AP1B1: variants seen among roughly 807,000 people sequenced by gnomAD.
The protein encoded by AP1B1 is adaptor related protein complex 1 subunit beta 1.
AP1B1 carries 36 observed loss-of-function variants against 104.3 expected under a neutral mutation model. The ratio of observed to expected loss-of-function variants is 0.35; its 90% CI spans 0.26 to 0.46. The LOEUF (loss-of-function observed/expected upper bound fraction) is 0.46, where lower values mean the gene tolerates loss of function less well. Among genes scored for constraint, AP1B1 ranks in the 20% least tolerant of loss-of-function variants. AP1B1 has a pLI of 1.00. For missense variants in AP1B1, 901 were observed against 1,247.9 expected (o/e 0.72, Z 4.19); for synonymous variants, 504 against 517.5 (o/e 0.97, Z 0.35).
intron 3 of AP1B1, among the ~76,000 whole-genome samples, chr22:29,362,017 C>T (rs2062055182): frequency 6.6e-6 from 1 of 152,150 alleles, no homozygotes; most frequent in African/African-American, 2.4e-5. Flanking sequence ...TGGTCTTGAA[C>T]TCCTGACCTC....
At chr22:29,376,034 A>G (rs1180450241) in intron 1 of AP1B1, among the ~76,000 whole-genome samples, 5 of 152,186 alleles carry the variant, frequency 3.3e-5, no homozygotes, top group Non-Finnish European at 4.4e-5. Context: ...CCTACCAATG[A>G]GTGTTCTTCC....
chr22:29,332,936 C>G (rs1164447930), intron 17 of AP1B1, among the ~76,000 whole-genome samples: 6 of 152,222 alleles, frequency 3.9e-5, no homozygotes, highest in African/African-American at 1.4e-4. Context: ...TTTGCTGGGC[C>G]ATCAAGTGGC....
chr22:29,339,634 C>T, intron 15 of AP1B1, 120 bp downstream of exon 15: 1 of 1,074,754 alleles, frequency 9.3e-7, no homozygotes, highest in Non-Finnish European at 1.4e-6. Context: ...TGGACCAAGG[C>T]AGGGGCTCAG....
intron 16 of AP1B1, 57 bp from the exon 17 acceptor site, chr22:29,334,467 T>A: frequency 1.3e-6 from 2 of 1,535,240 alleles, no homozygotes; most frequent in South Asian, 1.2e-5. Flanking sequence ...CAGCCCAAAC[T>A]CAACAGCCCA....
intron 1 of AP1B1, among the ~76,000 whole-genome samples, chr22:29,379,813 G>A (rs2062409082): frequency 6.6e-6 from 1 of 152,154 alleles, no homozygotes; most frequent in African/African-American, 2.4e-5. Context: ...GACAACGGAG[G>A]GAACTGACAA....
chr22:29,334,381 C>T lies in AP1B1; in HGVS notation c.2193G>A (p.Gly731=). The T allele has an allele frequency of 6.2e-7, 1 of 1,608,256 alleles. No individual in the cohort carries two copies. The highest frequency in any genetic ancestry group is 8.5e-7 in the Non-Finnish European group (1 of 1,178,178). Residue 731 remains glycine, a synonymous_variant, in exon 17 of 23, where the codon GGG becomes GGA. Coordinates refer to ENST00000357586, the MANE Select transcript of AP1B1 (RefSeq NM_001127.4). ...AVWLPAMKAK[G]LEISGTFTRQ... ...GGGTGAAGGTGCCTGAGATCTCCAG[C>T]CCCTTAGCCTTCATGGCTGGGAGCC...
intron 1 of AP1B1, among the ~76,000 whole-genome samples, chr22:29,386,903 G>A (rs1001415905): frequency 9.2e-5 from 14 of 152,308 alleles, no homozygotes; most frequent in East Asian, 3.9e-4. Context: ...CAAGTAAGAC[G>A]TGCTCTGCTC....
chr22:29,329,497 C>G (rs1018803780), intron 22 of AP1B1: 1 of 1,401,086 alleles, frequency 7.1e-7, no homozygotes, highest in Non-Finnish European at 9.3e-7. Flanking sequence ...CAGCAGCCCA[C>G]GGGCCCTCCA....
At chr22:29,330,341 G>A (rs1478933014) in intron 21 of AP1B1, 37 bp downstream of exon 21, 1 of 1,609,362 alleles carries the variant, frequency 6.2e-7, no homozygotes, top group Non-Finnish European at 8.5e-7. Flanking sequence ...ACGAAGGGGA[G>A]GCTCCAAGGC....
intron 11 of AP1B1, among the ~76,000 whole-genome samples, chr22:29,343,256 T>C (rs570509373): frequency 8.5e-5 from 13 of 152,146 alleles, no homozygotes; most frequent in African/African-American, 2.9e-4. Flanking sequence ...TCAGGGGCAG[T>C]GGGAGCCCAT....
At chr22:29,340,916 C>A (rs915859315) in intron 13 of AP1B1, 59 bp from the exon 14 acceptor site, 2 of 1,507,042 alleles carry the variant, frequency 1.3e-6, no homozygotes, top group East Asian at 2.4e-5. Context: ...GTCAAAGAGA[C>A]CCCAGCCTCC....
intron 11 of AP1B1, among the ~76,000 whole-genome samples, chr22:29,348,222 G>A (rs2061821556): frequency 6.6e-6 from 1 of 152,212 alleles, no homozygotes; most frequent in East Asian, 1.9e-4. Flanking sequence ...GCAAATACGT[G>A]CAGAACCGTG....
intron 11 of AP1B1, among the ~76,000 whole-genome samples, chr22:29,348,954 A>G (rs1039355860): frequency 6.6e-6 from 1 of 152,242 alleles, no homozygotes; most frequent in South Asian, 2.1e-4. Context: ...TATATTTCCT[A>G]TTAAAATATG....
At chr22:29,351,582 A>G (rs1184012717) in intron 8 of AP1B1, 123 bp downstream of exon 8, 1 of 1,337,192 alleles carries the variant, frequency 7.5e-7, no homozygotes, top group Non-Finnish European at 1.0e-6. Context: ...GTCCCATGCT[A>G]AACACTCTTC....
At chr22:29,357,543 T>C (rs1423540406) in intron 5 of AP1B1, among the ~76,000 whole-genome samples, 1 of 152,018 alleles carries the variant, frequency 6.6e-6, no homozygotes, top group African/African-American at 2.4e-5. Flanking sequence ...TTTTTATATT[T>C]TTAGTAGAGA....
rs377016822 is a variant in AP1B1, at chr22:29,340,727, C to T, written c.1927G>A (p.Gly643Ser). 2.1e-5 allele frequency: 33 copies of T among 1,593,236 alleles called. No homozygotes were observed. The highest frequency in any genetic ancestry group is 4.5e-5 in the East Asian group (2 of 44,154). The change falls in exon 14 of 23, where the codon GGC (glycine) becomes AGC (serine). Residue 643 changes from glycine (G) to serine (S), a missense_variant. By Grantham distance (56) the Gly-to-Ser change is moderately conservative. This residue lies in a region of AP1B1 where 424 missense variants were observed against 494.0 expected (regional missense o/e 0.86). Coordinates refer to ENST00000357586, the MANE Select transcript of AP1B1 (RefSeq NM_001127.4). ...ACCGAGGAGGTGGCCAGGGGTGGGC[C>T]GCTCACTGGGGGGCCGAGGTCCAGG... ...LNLDLGPPVS[G>S]PPLATSSVQM...
At chr22:29,331,199 C>T (rs912182729) in intron 19 of AP1B1, among the ~76,000 whole-genome samples, 2 of 152,148 alleles carry the variant, frequency 1.3e-5, no homozygotes, top group South Asian at 2.1e-4. Flanking sequence ...GGCTGAGGAG[C>T]GAGCAGGAGA....
chr22:29,350,397 G>A (rs945022506), intron 9 of AP1B1, among the ~76,000 whole-genome samples: 9 of 152,192 alleles, frequency 5.9e-5, no homozygotes, highest in African/African-American at 1.7e-4. Flanking sequence ...TGAGAGCCAG[G>A]AGGGTCCTTG....
chr22:29,334,276 G>A lies in AP1B1; in HGVS notation c.2298C>T (p.Phe766=). ...LQVMTDFAIQ[F]NRNSFGLAPA... ...CAGGGAGCTCTCACCTGTTGCGGTT[G>A]AACTGGATGGCAAAGTCGGTCATGA... The change falls in exon 17 of 23, where the codon TTC becomes TTT. Residue 766 remains phenylalanine (F), a synonymous_variant. Transcript: ENST00000357586. 6.2e-7 allele frequency: 1 copy of A among 1,600,926 alleles called. No homozygotes were observed. Among genetic ancestry groups the A allele is most frequent in the Non-Finnish European group, 8.5e-7 (1 of 1,175,048 alleles).
Sources: gnomAD v4.1 joint callset for allele counts (sites outside exome capture counted in the v4.1 genomes callset) on GRCh38, gnomAD v4.1.1 for gene constraint, gnomAD v4.1.1 regional missense constraint, MANE v1.5 for transcripts, NCBI Gene and HGNC (gene_info 2026-07-23, HGNC 2026-07-21) for gene names.